ACAD11: variants seen among roughly 807,000 people sequenced by gnomAD.
ACAD11 encodes acyl-CoA dehydrogenase family member 11.
In ACAD11, 83 loss-of-function variants were observed where a neutral mutation model predicts 102.2. That is an observed-to-expected ratio of 0.81 (90% CI 0.68 to 0.97). The LOEUF (loss-of-function observed/expected upper bound fraction) is 0.97, where lower values mean the gene tolerates loss of function less well. Among genes scored for constraint, ACAD11 ranks in the 50% least tolerant of loss-of-function variants. The pLI is 0.00. For synonymous variants in ACAD11, 324 were observed against 319.8 expected (o/e 1.01, Z -0.14); for missense variants, 901 against 951.7 (o/e 0.95, Z 0.70).
intron 13 of ACAD11, among the ~76,000 whole-genome samples, chr3:132,587,415 G>T (rs1196174821): frequency 6.6e-6 from 1 of 152,084 alleles, no homozygotes; most frequent in Non-Finnish European, 1.5e-5. Flanking sequence ...CCCAGTCAGT[G>T]AATTTCTTTT....
intron 4 of ACAD11, among the ~76,000 whole-genome samples, chr3:132,641,617 G>A (rs1468870340): frequency 7.8e-6 from 1 of 127,784 alleles, no homozygotes; most frequent in Non-Finnish European, 1.7e-5. Context: ...AGGAAGAAGA[G>A]GAGGAAGAAG....
At chr3:132,591,724 T>C (rs1402910269) in intron 13 of ACAD11, among the ~76,000 whole-genome samples, 3 of 151,980 alleles carry the variant, frequency 2.0e-5, no homozygotes, top group South Asian at 2.1e-4. Flanking sequence ...ACCTCGTCTA[T>C]ACAAAAAAAT....
chr3:132,630,630 G>A, intron 6 of ACAD11, 72 bp from the exon 7 acceptor site: 2 of 1,357,736 alleles, frequency 1.5e-6, no homozygotes, highest in Admixed American at 2.1e-5. Context: ...TTATGAGACT[G>A]AGACGCATAT....
chr3:132,596,655 A>G (rs1464133982), intron 13 of ACAD11, among the ~76,000 whole-genome samples: 6 of 152,166 alleles, frequency 3.9e-5, no homozygotes, highest in Non-Finnish European at 8.8e-5. Context: ...AGACTGAAGG[A>G]TTTTGAAGGT....
chr3:132,656,823 G>A (rs1324172378), intron 1 of ACAD11, among the ~76,000 whole-genome samples: 1 of 151,122 alleles, frequency 6.6e-6, no homozygotes, highest in Non-Finnish European at 1.5e-5. Context: ...TCAATTTGGT[G>A]GTGTGAAATG....
At chr3:132,586,312 AG>A (rs1218144872) in intron 13 of ACAD11, among the ~76,000 whole-genome samples, 2 of 152,156 alleles carry the variant, frequency 1.3e-5, no homozygotes, top group Non-Finnish European at 2.9e-5. Context: ...GGACACAGGA[AG>A]GGGAACATCA....
At chr3:132,614,833 A>T (rs541687898) in intron 11 of ACAD11, among the ~76,000 whole-genome samples, 1 of 152,334 alleles carries the variant, frequency 6.6e-6, no homozygotes, top group South Asian at 2.1e-4. Flanking sequence ...ATAGGATCTA[A>T]TTAAACTAAA....
chr3:132,644,650 A>C, intron 2 of ACAD11, 147 bp downstream of exon 2: 1 of 395,746 alleles, frequency 2.5e-6, no homozygotes, highest in Non-Finnish European at 4.4e-6. Context: ...AAAAAGATAT[A>C]ATTCAAGGGA....
At chr3:132,573,306 A>C (rs906015605) in intron 17 of ACAD11, among the ~76,000 whole-genome samples, 1 of 152,200 alleles carries the variant, frequency 6.6e-6, no homozygotes, top group Admixed American at 6.5e-5. Flanking sequence ...CATTTGAAAC[A>C]TACCTAGTCT....
chr3:132,568,801 C>CAAAAAAAAA (rs755568917), intron 17 of ACAD11, among the ~76,000 whole-genome samples: 17 of 68,672 alleles, frequency 2.5e-4, no homozygotes, highest in South Asian at 9.5e-4. Context: ...CATCCACAGG[C>CAAAAAAAAA]AAAAAAAAAA....
chr3:132,626,302 C>G (rs1939805924), intron 9 of ACAD11, among the ~76,000 whole-genome samples: 1 of 151,678 alleles, frequency 6.6e-6, no homozygotes, highest in Non-Finnish European at 1.5e-5. Flanking sequence ...TATCTGTGAA[C>G]AGCTTGAAAT....
chr3:132,573,550 C>T (rs139218445), intron 17 of ACAD11, among the ~76,000 whole-genome samples: 4 of 151,976 alleles, frequency 2.6e-5, no homozygotes, highest in South Asian at 2.1e-4. Flanking sequence ...TAGTATATTT[C>T]TTTTGGATGG....
chr3:132,560,495 C>T (rs115003815), intron 18 of ACAD11, among the ~76,000 whole-genome samples: 2 of 152,060 alleles, frequency 1.3e-5, no homozygotes, highest in Non-Finnish European at 2.9e-5. Flanking sequence ...TAGCTCACTA[C>T]TGCTGCCTCA....
At chr3:132,583,780 T>C (rs1420561229) in intron 13 of ACAD11, among the ~76,000 whole-genome samples, 8 of 152,216 alleles carry the variant, frequency 5.3e-5, no homozygotes, top group Admixed American at 5.2e-4. Context: ...AAAGAACATC[T>C]TTATTTCTGC....
chr3:132,579,705 G>A (rs1318437103), intron 13 of ACAD11, 147 bp from the exon 14 acceptor site: 5 of 628,082 alleles, frequency 8.0e-6, no homozygotes, highest in Non-Finnish European at 1.4e-5. Context: ...TAATTCTTTT[G>A]TAACACTCTA....
In ACAD11 at chr3:132,597,506, T is replaced by C. The variant is rs117854933; in HGVS notation, c.1621+5723A>G. Among the ~76,000 whole-genome samples, 716 of 152,168 alleles carry C rather than the reference T, an allele frequency of 4.7e-3. 17 individuals are homozygous for C. In the East Asian group the frequency reaches 0.077, roughly 16 times the overall value. On this transcript the variant is annotated intron_variant, in intron 13 of 19. Transcript: ENST00000264990. ...TTAACCTTAAATGAAAATCTTAATA[T>C]AGCAAGAAGAAAATACGATTTTAAA...
chr3:132,610,093 A>G (rs1353441875), intron 11 of ACAD11, among the ~76,000 whole-genome samples: 1 of 152,080 alleles, frequency 6.6e-6, no homozygotes, highest in Non-Finnish European at 1.5e-5. Flanking sequence ...TCATGCAAAA[A>G]CTCAATAAAC....
chr3:132,586,525 A>G (rs1210810342), intron 13 of ACAD11, among the ~76,000 whole-genome samples: 2 of 152,206 alleles, frequency 1.3e-5, no homozygotes, highest in African/African-American at 4.8e-5. Context: ...ATTGACCAAG[A>G]GATGTCCCAC....
At chr3:132,643,157 G>A (rs73002024) in intron 2 of ACAD11, among the ~76,000 whole-genome samples, 1,888 of 152,166 alleles carry the variant, frequency 0.012, 39 homozygotes, top group African/African-American at 0.043. Context: ...CTGGCTGCTC[G>A]CTCTTTCATG....
Sources: gnomAD v4.1 joint callset for allele counts (sites outside exome capture counted in the v4.1 genomes callset) on GRCh38, gnomAD v4.1.1 for gene constraint, MANE v1.5 for transcripts, NCBI Gene and HGNC (gene_info 2026-07-23, HGNC 2026-07-21) for gene names.